EFHC1: variants seen among roughly 807,000 people sequenced by gnomAD.
EFHC1 encodes EF-hand domain-containing protein 1.
In EFHC1, 53 loss-of-function variants were observed where a neutral mutation model predicts 69.9. The observed-to-expected ratio is 0.76, with a 90% CI of 0.61 to 0.95. EFHC1 has a LOEUF of 0.95. Among genes scored for constraint, EFHC1 ranks in the 40% least tolerant of loss-of-function variants. The pLI, the probability that EFHC1 is intolerant of heterozygous loss-of-function variation, is 0.00. For missense variants in EFHC1, 739 were observed against 798.7 expected (o/e 0.93, Z 0.90); for synonymous variants, 256 against 278.4 (o/e 0.92, Z 0.80).
In EFHC1 at chr6:52,454,081, T is replaced by A. The variant is rs756262882; in HGVS notation, c.724-14T>A. ...TTTTAGGATTCTTGAGTCACTACTT[T>A]GGATTCTTCAAAGGTCCTTCGATTC... On this transcript the variant is annotated splice_polypyrimidine_tract_variant and intron_variant, in intron 4 of 10. Coordinates refer to ENST00000371068, the MANE Select transcript of EFHC1 (RefSeq NM_018100.4). 75 of 1,612,532 alleles carry A rather than the reference T, an allele frequency of 4.7e-5. No homozygotes were observed. The highest frequency in any genetic ancestry group is 6.1e-5 in the Non-Finnish European group (72 of 1,179,958).
chr6:52,463,453 A>T (rs1377499534), intron 5 of EFHC1, among the ~76,000 whole-genome samples: 1 of 152,214 alleles, frequency 6.6e-6, no homozygotes, highest in Non-Finnish European at 1.5e-5. Flanking sequence ...AGATAATCTT[A>T]CAGATGATTT....
At chr6:52,427,686 C>T (rs1281519335) in intron 2 of EFHC1, among the ~76,000 whole-genome samples, 1 of 151,926 alleles carries the variant, frequency 6.6e-6, no homozygotes, top group Non-Finnish European at 1.5e-5. Flanking sequence ...ATTTAGTGCT[C>T]AATAAATATC....
Position 52,495,451 on chromosome 6 carries a change from T to C in EFHC1, c.*3110T>C, listed in dbSNP as rs1481894503. ...CTTTGGGCTACTCCTTAACAAATCATTCATGGATCGGCAGCAAATCTGCAA... is the reference window on the plus strand; with the variant it reads ...CTTTGGGCTACTCCTTAACAAATCACTCATGGATCGGCAGCAAATCTGCAA... On this transcript the variant is annotated 3_prime_UTR_variant, in exon 11 of 11. Transcript: ENST00000371068. 3 of 454,128 alleles carry C rather than the reference T, an allele frequency of 6.6e-6. No homozygotes were observed. The Admixed American group carries it at 7.0e-5, about 11-fold the overall frequency. The allele number at this position is 454,128 out of a possible 1,614,324, so 28.1% of individuals were successfully genotyped here.
intron 6 of EFHC1, among the ~76,000 whole-genome samples, chr6:52,465,425 G>A (rs1484527775): frequency 2.0e-5 from 3 of 152,092 alleles, no homozygotes; most frequent in Admixed American, 1.3e-4. Context: ...AGGAAAGCCA[G>A]TCAGAGTAAA....
intron 5 of EFHC1, among the ~76,000 whole-genome samples, chr6:52,463,853 C>A (rs1235709449): frequency 1.3e-5 from 2 of 152,250 alleles, no homozygotes; most frequent in East Asian, 3.9e-4. Flanking sequence ...GAGACAGATC[C>A]CTTGGACTAT....
intron 7 of EFHC1, among the ~76,000 whole-genome samples, chr6:52,473,824 T>C (rs1765489310): frequency 6.6e-6 from 1 of 152,072 alleles, no homozygotes; most frequent in Non-Finnish European, 1.5e-5. Flanking sequence ...TTGATTATAT[T>C]AAGATAAAGA....
chr6:52,491,853 A>G (rs1765911497), intron 10 of EFHC1, among the ~76,000 whole-genome samples: 1 of 152,238 alleles, frequency 6.6e-6, no homozygotes, highest in African/African-American at 2.4e-5. Context: ...AACAGGCTTC[A>G]GATGTGTCTA....
At chr6:52,469,834 A>G (rs918664318) in intron 7 of EFHC1, among the ~76,000 whole-genome samples, 1 of 152,074 alleles carries the variant, frequency 6.6e-6, no homozygotes, top group African/African-American at 2.4e-5. Flanking sequence ...GATTTCTTTG[A>G]GGTTAGGGAC....
chr6:52,426,198 A>G (rs570426117), intron 2 of EFHC1, among the ~76,000 whole-genome samples: 27 of 152,300 alleles, frequency 1.8e-4, no homozygotes, highest in African/African-American at 5.1e-4. Context: ...ATCACTTACA[A>G]TCTGACTTCT....
Position 52,493,251 on chromosome 6 carries a change from A to T in EFHC1, c.*910A>T. On this transcript the variant is annotated 3_prime_UTR_variant, in exon 11 of 11. Transcript: ENST00000371068. Reference sequence around the variant, plus strand: ...GCCTTTGGATTCAGACTGGAATTATACCTTTAGCTCTCCTGGGTCTCCAGC... The same window carrying T: ...GCCTTTGGATTCAGACTGGAATTATTCCTTTAGCTCTCCTGGGTCTCCAGC... 1 of 452,766 alleles carries T rather than the reference A, an allele frequency of 2.2e-6. No individual in the cohort carries two copies. The highest frequency in any genetic ancestry group is 4.4e-6 in the Non-Finnish European group (1 of 226,512). 28.0% of individuals were successfully genotyped at this position (452,766 alleles called of 1,614,324 possible).
intron 3 of EFHC1, among the ~76,000 whole-genome samples, chr6:52,449,506 T>C (rs9463788): frequency 2.6e-5 from 4 of 152,294 alleles, no homozygotes; most frequent in African/African-American, 9.6e-5. Context: ...TTTCAGAGCT[T>C]GTTATCAGTC....
At position 52,493,385 on chromosome 6, in the gene EFHC1, T is replaced by TA. The variant is rs1554262447; in HGVS notation, c.*1044_*1045insA. On this transcript the variant is annotated 3_prime_UTR_variant, in exon 11 of 11. Coordinates refer to ENST00000371068, the MANE Select transcript of EFHC1 (RefSeq NM_018100.4). Reference sequence around the variant, plus strand: ...CTCTACATATATATATATATATATATTTTATATGTACACATTCATACACAC... The same window carrying TA: ...CTCTACATATATATATATATATATATATTTATATGTACACATTCATACACAC... The TA allele has an allele frequency of 0.061, 12,661 of 206,530 alleles. 1,438 individuals carry two copies. Among genetic ancestry groups the TA allele is most frequent in the African/African-American group, 0.18 (6,174 of 33,960 alleles). The allele number at this position is 206,530 out of a possible 1,614,324, so 12.8% of individuals were successfully genotyped here.
At position 52,424,180 on chromosome 6, in the gene EFHC1, A is replaced by G. The variant is rs1219035927; in HGVS notation, c.285+13A>G. The G allele has an allele frequency of 6.2e-7, 1 of 1,612,276 alleles. No individual in the cohort carries two copies. The highest frequency in any genetic ancestry group is 1.1e-5 in the South Asian group (1 of 90,910). ...CTTTGACAAAAAGGTATCATCTGGA[A>G]TTTTAGGGTACCCCTTGAATTAGGG... On this transcript the variant is annotated intron_variant, in intron 2 of 10. Transcript: ENST00000371068.
intron 7 of EFHC1, among the ~76,000 whole-genome samples, chr6:52,473,717 G>A (rs1765487032): frequency 6.6e-6 from 1 of 152,138 alleles, no homozygotes; most frequent in South Asian, 2.1e-4. Context: ...GGGGGGCGGA[G>A]GTTGCAGTGA....
chr6:52,437,666 T>G (rs1208206011), intron 2 of EFHC1: 1 of 152,466 alleles, frequency 6.6e-6, no homozygotes, highest in Non-Finnish European at 1.5e-5. Flanking sequence ...TGTCTTCATG[T>G]GGCCTTACCT....
chr6:52,448,235 C>A (rs1764833297), intron 3 of EFHC1, among the ~76,000 whole-genome samples: 1 of 152,232 alleles, frequency 6.6e-6, no homozygotes. Context: ...TCGAGCTTCC[C>A]AGCTGCTTTG....
intron 7 of EFHC1, among the ~76,000 whole-genome samples, chr6:52,477,445 T>A (rs963144514): frequency 7.9e-5 from 12 of 152,216 alleles, no homozygotes; most frequent in Non-Finnish European, 1.6e-4. Flanking sequence ...TAAACAAATC[T>A]GTATTAAGTT....
In EFHC1 at chr6:52,438,571, G is replaced by T. The variant is rs758946444; in HGVS notation, c.553G>T (p.Asp185Tyr). ...TTATGGCAAAACTTTCCGCGTTGTT[G>T]ACTGTGACCAATTCACACAGGTATA... ...TIYGKTFRVV[D>Y]CDQFTQVFLE... Residue 185 changes from aspartate to tyrosine, a missense_variant, in exon 3 of 11, where the codon GAC (aspartate) becomes TAC (tyrosine). Asp to Tyr is a radical substitution (Grantham distance 160). Transcript: ENST00000371068. 6.2e-7 allele frequency: 1 copy of T among 1,613,988 alleles called. No homozygotes were observed. Among genetic ancestry groups the T allele is most frequent in the South Asian group, 1.1e-5 (1 of 91,064 alleles).
chr6:52,428,750 A>C (rs1343398410), intron 2 of EFHC1, among the ~76,000 whole-genome samples: 3 of 152,142 alleles, frequency 2.0e-5, no homozygotes, highest in Middle Eastern at 3.2e-3. Context: ...TAGTTCTTTG[A>C]GGAATCTTCA....
Sources: allele counts gnomAD v4.1 joint callset (sites outside exome capture counted in the v4.1 genomes callset), GRCh38; gene constraint gnomAD v4.1.1; transcripts MANE v1.5; gene names NCBI Gene and HGNC (gene_info 2026-07-23, HGNC 2026-07-21).